The following LMNA variants were observed in gnomAD, a reference collection of about 807,000 sequenced individuals.
The protein encoded by LMNA is lamin A/C, also known as lamin.
LMNA carries 20 observed loss-of-function variants against 70.4 expected under a neutral mutation model. The observed-to-expected ratio is 0.28, with a 90% CI of 0.20 to 0.41. The LOEUF is 0.41. Among genes scored for constraint, LMNA ranks in the 10% least tolerant of loss-of-function variants. LMNA has a pLI of 1.00. For missense variants in LMNA, 652 were observed against 917.2 expected, an observed-to-expected ratio of 0.71 and a Z score of 3.73; for synonymous variants, 339 against 372.8, an observed-to-expected ratio of 0.91 and a Z score of 1.04.
In LMNA at chr1:156,135,045, A is replaced by G. The variant is rs1651430084; in HGVS notation, c.810+70A>G. On this transcript the variant is annotated intron_variant, in intron 4 of 11. Coordinates refer to ENST00000368300, the MANE Select transcript of LMNA (RefSeq NM_170707.4). This position sits in a 1 kb window ranked among gnomAD's most constrained non-coding sequence, Gnocchi z 4.8. Reference sequence around the variant, plus strand: ...GCCCTACCCTTACCCACGCTGGGCTATGCCTTCTGGGGATCAGGCAGATGG... The same window carrying G: ...GCCCTACCCTTACCCACGCTGGGCTGTGCCTTCTGGGGATCAGGCAGATGG... 6.2e-6 allele frequency: 10 copies of G among 1,610,382 alleles called. No homozygotes were observed. The highest frequency in any genetic ancestry group is 1.7e-5 in the Admixed American group (1 of 60,016).
chr1:156,128,955 T>G (rs1041525804), intron 1 of LMNA, among the ~76,000 whole-genome samples: 6 of 152,106 alleles, frequency 3.9e-5, no homozygotes, highest in Non-Finnish European at 2.9e-5. Context: ...TCATTTTCCC[T>G]CCTCCCCCTG....
chr1:156,128,936 G>A (rs568274174), intron 1 of LMNA, among the ~76,000 whole-genome samples: 4 of 152,270 alleles, frequency 2.6e-5, no homozygotes, highest in African/African-American at 7.2e-5. Context: ...CTTTACCAGC[G>A]GTTTTTCTTC....
Position 156,137,329 on chromosome 1 carries a change from G to A in LMNA, c.1608+97G>A. On this transcript the variant is annotated intron_variant, in intron 9 of 11. Coordinates refer to ENST00000368300, the MANE Select transcript of LMNA (RefSeq NM_170707.4). This position sits in a 1 kb window ranked among gnomAD's most constrained non-coding sequence, Gnocchi z 4.6. ...CCCAACCCAAGTTTGCCAATTCAGG[G>A]CCCCTTTCTAGAGCTCTCTGTTGCA... The A allele has an allele frequency of 6.8e-7, 1 of 1,480,600 alleles. No homozygotes were observed. The highest frequency in any genetic ancestry group is 9.1e-7 in the Non-Finnish European group (1 of 1,097,778). The allele number at this position is 1,480,600 out of a possible 1,614,324, so 91.7% of individuals were successfully genotyped here. A position where few individuals can be genotyped will look rare whatever the true frequency, so the allele number is the denominator to read the frequency against.
intron 1 of LMNA, among the ~76,000 whole-genome samples, chr1:156,119,819 G>A (rs1005844557): frequency 2.6e-5 from 4 of 152,002 alleles, no homozygotes; most frequent in East Asian, 1.9e-4. Context: ...GTGGTGGTCT[G>A]AATGTCTACC....
rs1421969857 is a variant in LMNA, at chr1:156,135,378, C to CA, written c.936+67dup. ...CTGGGCCGGATGCAGGCTGGAAGCCCAGGGTTGGGGGTGGGGGTGGGGGTG... is the reference window on the plus strand; with the variant it reads ...CTGGGCCGGATGCAGGCTGGAAGCCCAAGGGTTGGGGGTGGGGGTGGGGGTG... On this transcript the variant is annotated intron_variant, in intron 5 of 11. Coordinates refer to ENST00000368300, the MANE Select transcript of LMNA (RefSeq NM_170707.4). The surrounding 1 kb of genome is among the most constrained non-coding windows in gnomAD (Gnocchi z 4.8). 6.6e-7 allele frequency: 1 copy of CA among 1,513,074 alleles called. No homozygotes were observed. Among genetic ancestry groups the CA allele is most frequent in the East Asian group, 2.5e-5 (1 of 39,782 alleles). The allele number at this position is 1,513,074 out of a possible 1,614,324, so 93.7% of individuals were successfully genotyped here.
chr1:156,114,708 C>T (rs1250309704), upstream of LMNA: 5 of 553,886 alleles, frequency 9.0e-6, no homozygotes, highest in Non-Finnish European at 1.6e-5. Flanking sequence ...GCGTCGGTGA[C>T]TCAGTGTTCG....
At position 156,129,593 on chromosome 1, in the gene LMNA, G is replaced by A. The variant is rs530566685; in HGVS notation, c.357-1024G>A. On this transcript the variant is annotated intron_variant, in intron 1 of 11. Transcript: ENST00000368300. ...GATGGCAGCTGGAACCAGGTCCTCTGGATCTTTCCCTCCGCTCCCTGGGTC... is the reference window on the plus strand; with the variant it reads ...GATGGCAGCTGGAACCAGGTCCTCTAGATCTTTCCCTCCGCTCCCTGGGTC... Among the ~76,000 whole-genome samples, 430 of 152,264 alleles carry A rather than the reference G, an allele frequency of 2.8e-3. 5 individuals carry two copies. The highest frequency in any genetic ancestry group is 4.7e-3 in the Non-Finnish European group (321 of 68,018).
Position 156,138,862 on chromosome 1 carries a change from C to A in LMNA, c.1968+105C>A. 9 of 1,486,496 alleles carry A rather than the reference C, an allele frequency of 6.1e-6. No individual in the cohort carries two copies. The highest frequency in any genetic ancestry group is 1.4e-5 in the African/African-American group (1 of 72,108). 92.1% of individuals were successfully genotyped at this position (1,486,496 alleles called of 1,614,324 possible). A position where few individuals can be genotyped will look rare whatever the true frequency, so the allele number is the denominator to read the frequency against. On this transcript the variant is annotated intron_variant, in intron 11 of 11. Coordinates refer to ENST00000368300, the MANE Select transcript of LMNA (RefSeq NM_170707.4). This position sits in a 1 kb window ranked among gnomAD's most constrained non-coding sequence, Gnocchi z 5.5. ...GGGGGAGAGCCTGCCTTCTCTTCCG[C>A]AGCCCGGGGGAGTGGGAGCCTCCTC... is the stretch of plus-strand genomic sequence containing the variant.
At chr1:156,131,351 G>A (rs1651047298) in intron 2 of LMNA, among the ~76,000 whole-genome samples, 1 of 152,258 alleles carries the variant, frequency 6.6e-6, no homozygotes, top group East Asian at 1.9e-4. Context: ...ATTTTGGGAG[G>A]CCAAGGAGGC....
rs1268650204 is a variant in LMNA, at chr1:156,138,615, G to A, written c.1826G>A (p.Gly609Glu). 3 of 1,613,064 alleles carry A rather than the reference G, an allele frequency of 1.9e-6. No homozygotes were observed. The African/African-American group carries it at 4.0e-5, about 21-fold the overall frequency. ...AGCGGCTCAGGAGCCCAGGTGGGCG[G>A]ACCCATCTCCTCTGGCTCTTCTGCC... ...SASGSGAQVG[G>E]PISSGSSASS... Residue 609 changes from glycine to glutamate, a missense_variant, in exon 11 of 12, where the codon GGA becomes GAA. Physicochemically the swap from Gly to Glu is moderately conservative, Grantham distance 98. Around this residue, in one of 4 missense-constraint regions of LMNA, gnomAD observed 327 missense variants for 387.6 expected, o/e 0.84. Coordinates refer to ENST00000368300, the MANE Select transcript of LMNA (RefSeq NM_170707.4). The surrounding 1 kb of genome is among the most constrained non-coding windows in gnomAD (Gnocchi z 5.5).
chr1:156,091,327 G>A (rs1048303420), intron 3 of LMNA, among the ~76,000 whole-genome samples: 2 of 152,208 alleles, frequency 1.3e-5, no homozygotes, highest in African/African-American at 4.8e-5. Flanking sequence ...CTATGGCCAG[G>A]TGCGGTGGCT....
intron 3 of LMNA, among the ~76,000 whole-genome samples, chr1:156,104,241 G>A (rs1170141061): frequency 1.3e-5 from 2 of 152,184 alleles, no homozygotes; most frequent in African/African-American, 2.4e-5. Context: ...GGTGGGGAGC[G>A]GTGGCTCAGG....
intron 1 of LMNA, among the ~76,000 whole-genome samples, chr1:156,118,511 G>A (rs751201969): frequency 4.6e-5 from 7 of 152,080 alleles, no homozygotes; most frequent in Non-Finnish European, 8.8e-5. Flanking sequence ...CTGGGCTTCC[G>A]GAAAAGAGAG....
intron 1 of LMNA, among the ~76,000 whole-genome samples, chr1:156,119,900 T>A (rs1650077099): frequency 6.6e-6 from 1 of 152,190 alleles, no homozygotes; most frequent in African/African-American, 2.4e-5. Flanking sequence ...TCTGGTGGTG[T>A]CTGGACACAT....
chr1:156,121,694 C>T lies in LMNA; in HGVS notation c.356+6420C>T, dbSNP rs945924876. On this transcript the variant is annotated intron_variant, in intron 1 of 11. Transcript: ENST00000368300. ...CTTGCTTCCCTCCTCCCCAGCCCCTCGCCACCCCTAGCAGCTGCAGCAGCC... is the reference window on the plus strand; with the variant it reads ...CTTGCTTCCCTCCTCCCCAGCCCCTTGCCACCCCTAGCAGCTGCAGCAGCC... Among the ~76,000 whole-genome samples the T allele has an allele frequency of 2.6e-5, 4 of 151,926 alleles. No individual in the cohort carries two copies. In the East Asian group the frequency reaches 5.8e-4, roughly 22 times the overall value.
rs1025034433 is a variant in LMNA at position 156,139,990 on chromosome 1, G to A, written c.*884G>A. ...CAAGAGGGGGTGGAGGGGTGTGGCA[G>A]TGGTTTTGGCAAACGCTAAAGAGCC... On this transcript the variant is annotated 3_prime_UTR_variant, in exon 12 of 12. Transcript: ENST00000368300. 1 of 680,666 alleles carries A rather than the reference G, an allele frequency of 1.5e-6. No individual in the cohort carries two copies. 42.2% of individuals were successfully genotyped at this position (680,666 alleles called of 1,614,324 possible). A position where few individuals can be genotyped will look rare whatever the true frequency, so the allele number is the denominator to read the frequency against.
chr1:156,138,347 C>A lies in LMNA; in HGVS notation c.1699-141C>A. The A allele has an allele frequency of 1.1e-6, 1 of 906,670 alleles. No homozygotes were observed. 56.2% of individuals were successfully genotyped at this position (906,670 alleles called of 1,614,324 possible). On this transcript the variant is annotated intron_variant, in intron 10 of 11. Coordinates refer to ENST00000368300, the MANE Select transcript of LMNA (RefSeq NM_170707.4). The surrounding 1 kb of genome is among the most constrained non-coding windows in gnomAD (Gnocchi z 5.5). ...TCCGGGCCCCTAGCCTCCCAAACCC[C>A]CATTGCCCGCTGGCTCCTTGGGCAC...
chr1:156,121,603 A>T (rs1187790309), intron 1 of LMNA, among the ~76,000 whole-genome samples: 1 of 151,850 alleles, frequency 6.6e-6, no homozygotes, highest in Non-Finnish European at 1.5e-5. Context: ...GCTGAAGCCC[A>T]GGACAGCTGG....
intron 2 of LMNA, among the ~76,000 whole-genome samples, chr1:156,086,891 TTGGCCTCCCAAAGTAC>T (rs1240801875): frequency 3.3e-5 from 5 of 152,190 alleles, no homozygotes; most frequent in Non-Finnish European, 5.9e-5. Context: ...CGCCCCCACC[TTGGCCTCCCAAAGTAC>T]TGGGATTACA....
Sources: allele counts gnomAD v4.1 joint callset (sites outside exome capture counted in the v4.1 genomes callset), GRCh38; gene constraint gnomAD v4.1.1; regional missense constraint gnomAD v4.1.1; non-coding constraint Gnocchi (gnomAD v3.1); transcripts MANE v1.5; gene names NCBI Gene and HGNC (gene_info 2026-07-23, HGNC 2026-07-21).